Variants in ANKRD30B observed in about 807,000 individuals in gnomAD.
ANKRD30B encodes ankyrin repeat domain-containing protein 30B.
ANKRD30B carries 144 observed loss-of-function variants against 202.2 expected under a neutral mutation model. That is an observed-to-expected ratio of 0.71 (90% CI 0.62 to 0.82). The LOEUF (loss-of-function observed/expected upper bound fraction) is 0.82, where lower values mean the gene tolerates loss of function less well. Among genes scored for constraint, ANKRD30B ranks in the 40% least tolerant of loss-of-function variants. ANKRD30B has a pLI of 0.00. For synonymous variants in ANKRD30B, 508 were observed against 561.3 expected, an observed-to-expected ratio of 0.91 and a Z score of 1.34; for missense variants, 1,487 against 1,669.1, an observed-to-expected ratio of 0.89 and a Z score of 1.90.
rs993857957 is a variant in ANKRD30B, at chr18:14,837,750, G to A, written c.2988+74G>A. On this transcript the variant is annotated intron_variant, in intron 36 of 43. Coordinates refer to ENST00000690538, the MANE Select transcript of ANKRD30B (RefSeq NM_001367607.2). ...ATCTTAAAACATAAAAAGATGATTT[G>A]ACTTTATTCTCTCACCTCTGATTAT... 38 of 1,239,142 alleles carry A rather than the reference G, an allele frequency of 3.1e-5. No individual in the cohort carries two copies. The African/African-American group carries it at 4.8e-4, about 16-fold the overall frequency. 76.8% of individuals were successfully genotyped at this position (1,239,142 alleles called of 1,614,324 possible).
intron 30 of ANKRD30B, among the ~76,000 whole-genome samples, chr18:14,820,521 T>C (rs1332667100): frequency 2.6e-5 from 4 of 152,288 alleles, no homozygotes; most frequent in African/African-American, 9.6e-5. Flanking sequence ...GCTCTTATTA[T>C]TTTGAGATAC....
chr18:14,856,045 G>T (rs1972098999), downstream of ANKRD30B, among the ~76,000 whole-genome samples: 1 of 137,170 alleles, frequency 7.3e-6, no homozygotes, highest in Non-Finnish European at 1.6e-5. Context: ...CCCACATGGG[G>T]TGGCCGGGCA....
the ANKRD30B span, among the ~76,000 whole-genome samples, chr18:14,906,424 G>A: frequency 2.9e-3 from 442 of 152,222 alleles, 1 homozygote; most frequent in Non-Finnish European, 4.6e-3. Context: ...TAATATGAGT[G>A]ATTTTAAAAA....
intron 40 of ANKRD30B, among the ~76,000 whole-genome samples, chr18:14,849,574 AT>A (rs1032507143): frequency 6.6e-6 from 1 of 151,688 alleles, no homozygotes; most frequent in Non-Finnish European, 1.5e-5. Flanking sequence ...AATACATATT[AT>A]TTTTAGTCTT....
intron 1 of ANKRD30B, among the ~76,000 whole-genome samples, chr18:14,749,670 C>CAAAAAAAAAA (rs55960708): frequency 2.1e-4 from 13 of 61,190 alleles, no homozygotes; most frequent in Non-Finnish European, 2.8e-4. Context: ...GACTCTGTCT[C>CAAAAAAAAAA]AAAAAAAAAA....
At chr18:14,923,412 T>C in the ANKRD30B span, among the ~76,000 whole-genome samples, 87,557 of 151,944 alleles carry the variant, frequency 0.58, 26,113 homozygotes, top group African/African-American at 0.73. Flanking sequence ...AGGAGAGGCT[T>C]CACTGCCTGT....
Position 14,782,622 on chromosome 18 carries a change from C to A in ANKRD30B, c.1570+8C>A, listed in dbSNP as rs751209967. 1.9e-6 allele frequency: 3 copies of A among 1,538,694 alleles called. No homozygotes were observed. The highest frequency in any genetic ancestry group is 2.6e-6 in the Non-Finnish European group (3 of 1,140,584). The stretch of plus-strand genomic sequence containing the variant: ...TAAATAGAGAAGTAGAAGGTAAGAA[C>A]AACTTTTTATTTGAAAAGTCTTTTA... On this transcript the variant is annotated splice_region_variant and intron_variant, in intron 12 of 43. Coordinates refer to ENST00000690538, the MANE Select transcript of ANKRD30B (RefSeq NM_001367607.2).
intron 33 of ANKRD30B, among the ~76,000 whole-genome samples, chr18:14,830,968 G>T (rs1330360920): frequency 6.6e-6 from 1 of 151,792 alleles, no homozygotes; most frequent in Non-Finnish European, 1.5e-5. Flanking sequence ...AGATCACGAG[G>T]TCAGGAGATG....
chr18:14,753,333 A>G (rs1303202023), intron 3 of ANKRD30B, among the ~76,000 whole-genome samples: 2 of 152,128 alleles, frequency 1.3e-5, no homozygotes, highest in East Asian at 1.9e-4. Flanking sequence ...GTGTAAATTG[A>G]GTCAACATGT....
chr18:14,916,762 G>T, the ANKRD30B span, among the ~76,000 whole-genome samples: 1 of 152,212 alleles, frequency 6.6e-6, no homozygotes, highest in Non-Finnish European at 1.5e-5. Context: ...CAACAAGAAT[G>T]ATAGCTAACA....
At chr18:14,758,000 A>C in intron 5 of ANKRD30B, 48 bp downstream of exon 5, 1 of 1,528,486 alleles carries the variant, frequency 6.5e-7, no homozygotes. Flanking sequence ...TGTTTGTTTC[A>C]GGGAGTTTTT....
chr18:14,778,185 C>A (rs761060286), intron 10 of ANKRD30B, 110 bp downstream of exon 10: 25 of 715,442 alleles, frequency 3.5e-5, no homozygotes, highest in Non-Finnish European at 5.9e-5. Context: ...ATGCATAACA[C>A]GGAAGAACAA....
intron 4 of ANKRD30B, among the ~76,000 whole-genome samples, chr18:14,755,973 C>T (rs998804216): frequency 2.6e-3 from 396 of 152,284 alleles, no homozygotes; most frequent in African/African-American, 8.9e-3. Flanking sequence ...CCTGAGGAAT[C>T]GCCACACCGA....
the ANKRD30B span, among the ~76,000 whole-genome samples, chr18:14,919,289 C>T: frequency 0.52 from 79,863 of 152,166 alleles, 21,300 homozygotes; most frequent in African/African-American, 0.6. Context: ...TTCCTTCACC[C>T]GCATTTGGTA....
rs751638612 is a variant in ANKRD30B, at chr18:14,787,076, T to C, written c.1710T>C (p.Asp570=). The C allele has an allele frequency of 2.6e-5, 42 of 1,609,556 alleles. No homozygotes were observed. Among genetic ancestry groups the C allele is most frequent in the Admixed American group, 5.0e-5 (3 of 59,810 alleles). Reference sequence around the variant, plus strand: ...CATCAGAATCCAAACAAAAGGACGATGAAGAAAATTCTTGGGATTCTGAGG... The same window carrying C: ...CATCAGAATCCAAACAAAAGGACGACGAAGAAAATTCTTGGGATTCTGAGG... ...MFPSESKQKD[D]EENSWDSESP... is the part of the protein sequence containing the mutation. Residue 570 remains aspartate (D), a synonymous_variant, in exon 15 of 44, where the codon GAT becomes GAC. Coordinates refer to ENST00000690538, the MANE Select transcript of ANKRD30B (RefSeq NM_001367607.2).
At chr18:14,766,188 G>T (rs1916104471) in intron 7 of ANKRD30B, among the ~76,000 whole-genome samples, 2 of 151,968 alleles carry the variant, frequency 1.3e-5, no homozygotes, top group African/African-American at 4.8e-5. Flanking sequence ...GTAGAAAATT[G>T]TCAGGTCAGG....
intron 32 of ANKRD30B, chr18:14,825,040 T>C (rs1349412063): frequency 1.3e-5 from 2 of 152,196 alleles, no homozygotes; most frequent in Admixed American, 6.5e-5. Context: ...GCTTTTTCAA[T>C]ACTTTCATAT....
the ANKRD30B span, among the ~76,000 whole-genome samples, chr18:14,900,550 T>C: frequency 6.6e-6 from 1 of 152,178 alleles, no homozygotes; most frequent in South Asian, 2.1e-4. Flanking sequence ...TAGGCATTTT[T>C]CTCCCCAACT....
chr18:14,864,607 T>G, the ANKRD30B span, among the ~76,000 whole-genome samples: 1 of 151,572 alleles, frequency 6.6e-6, no homozygotes, highest in Non-Finnish European at 1.5e-5. Flanking sequence ...CCCCAAAACT[T>G]TTCCCCAACG....
Sources: allele counts gnomAD v4.1 joint callset (sites outside exome capture counted in the v4.1 genomes callset), GRCh38; gene constraint gnomAD v4.1.1; transcripts MANE v1.5; gene names NCBI Gene and HGNC (gene_info 2026-07-23, HGNC 2026-07-21).